Variants in FOXP2 observed in about 807,000 individuals in gnomAD.
The protein encoded by FOXP2 is forkhead box protein P2.
FOXP2 carries 12 observed loss-of-function variants against 115.8 expected under a neutral mutation model. That is an observed-to-expected ratio of 0.10 (90% confidence interval 0.07 to 0.17). The LOEUF is 0.17. Among genes scored for constraint, FOXP2 ranks in the 10% least tolerant of loss-of-function variants. FOXP2 has a pLI of 1.00. For missense variants in FOXP2, 629 were observed against 843.5 expected (o/e 0.75, Z 3.15); for synonymous variants, 328 against 297.7 (o/e 1.10, Z -1.05).
intron 2 of FOXP2, among the ~76,000 whole-genome samples, chr7:114,452,330 A>C (rs1229103761): frequency 6.6e-6 from 1 of 152,076 alleles, no homozygotes; most frequent in East Asian, 1.9e-4. Flanking sequence ...CAACTTAAAA[A>C]AAAATCTTAT....
intron 1 of FOXP2, among the ~76,000 whole-genome samples, chr7:114,196,079 C>T (rs1264963396): frequency 6.6e-6 from 1 of 152,128 alleles, no homozygotes; most frequent in Non-Finnish European, 1.5e-5. Flanking sequence ...ATGGCGTGAT[C>T]TCGGCTCACT....
At chr7:114,104,373 G>C (rs187816514) in intron 1 of FOXP2, among the ~76,000 whole-genome samples, 1 of 151,996 alleles carries the variant, frequency 6.6e-6, no homozygotes, top group African/African-American at 2.4e-5. Flanking sequence ...AGGTATGGGG[G>C]CTGTTGAGAT....
At chr7:114,237,286 A>T (rs943538929) in intron 1 of FOXP2, among the ~76,000 whole-genome samples, 2 of 152,220 alleles carry the variant, frequency 1.3e-5, no homozygotes, top group African/African-American at 4.8e-5. Flanking sequence ...AATGAAGTAA[A>T]ATATTCAAAA....
At position 114,242,340 on chromosome 7, in the gene FOXP2, T is replaced by C. The variant is rs1158600107; in HGVS notation, c.-101-45679T>C. On this transcript the variant is annotated intron_variant, in intron 1 of 17. Transcript: ENST00000634411. Reference sequence around the variant, plus strand: ...AAGTGTGGTACAAACATTTAGTTGGTAATGGGCAAATTACACCAATTGGGT... The same window carrying C: ...AAGTGTGGTACAAACATTTAGTTGGCAATGGGCAAATTACACCAATTGGGT... Among the ~76,000 whole-genome samples the C allele has an allele frequency of 2.6e-5, 4 of 152,236 alleles. No individual in the cohort carries two copies. The East Asian group carries it at 7.7e-4, about 29-fold the overall frequency.
At chr7:114,528,893 A>G (rs1304342110) in intron 2 of FOXP2, among the ~76,000 whole-genome samples, 1 of 151,984 alleles carries the variant, frequency 6.6e-6, no homozygotes, top group Admixed American at 6.6e-5. Context: ...CACAAAAACT[A>G]TTATAGTTAC....
intron 8 of FOXP2, among the ~76,000 whole-genome samples, chr7:114,647,000 C>T (rs948652252): frequency 3.3e-5 from 5 of 151,762 alleles, no homozygotes; most frequent in Non-Finnish European, 5.9e-5. Flanking sequence ...TTTTAGTTCT[C>T]ATTTTTTTGT....
chr7:114,633,630 C>T (rs553475364), intron 6 of FOXP2, among the ~76,000 whole-genome samples: 3 of 152,166 alleles, frequency 2.0e-5, no homozygotes, highest in South Asian at 2.1e-4. Context: ...CCACACAAAC[C>T]GGCATCATTG....
In FOXP2 at chr7:114,313,561, C is replaced by T. The variant is rs1478480435; in HGVS notation, c.-11+25452C>T. ...GAGATCGAGACCATCCCGGCTAAAA[C>T]GGTGAAACCCCGTCTCTACTAAAAA... On this transcript the variant is annotated intron_variant, in intron 2 of 17. Transcript: ENST00000634411. 1.7e-4 allele frequency among the ~76,000 whole-genome samples: 11 copies of T among 63,420 alleles called. 2 individuals are homozygous for T. Among genetic ancestry groups the T allele is most frequent in the Admixed American group, 5.3e-4 (5 of 9,402 alleles). 41.6% of individuals were successfully genotyped at this position (63,420 alleles called of 152,430 possible). A position where few individuals can be genotyped will look rare whatever the true frequency, so the allele number is the denominator to read the frequency against.
At chr7:114,119,597 A>G (rs1429735793) in intron 1 of FOXP2, among the ~76,000 whole-genome samples, 1 of 151,900 alleles carries the variant, frequency 6.6e-6, no homozygotes, top group Non-Finnish European at 1.5e-5. Context: ...TGTGGTTCCA[A>G]CTACTCGGGA....
At chr7:114,356,682 G>T (rs1201135315) in intron 2 of FOXP2, among the ~76,000 whole-genome samples, 1 of 152,116 alleles carries the variant, frequency 6.6e-6, no homozygotes, top group Non-Finnish European at 1.5e-5. Context: ...AGTAGTAGAG[G>T]AACATTTTTA....
chr7:114,322,658 G>T (rs1055012943), intron 2 of FOXP2, among the ~76,000 whole-genome samples: 2 of 152,052 alleles, frequency 1.3e-5, no homozygotes, highest in Admixed American at 1.3e-4. Context: ...CATTTTAACT[G>T]GTGAAGCATG....
intron 1 of FOXP2, among the ~76,000 whole-genome samples, chr7:114,118,570 A>G (rs1791472592): frequency 6.6e-6 from 1 of 152,054 alleles, no homozygotes; most frequent in Admixed American, 6.6e-5. Flanking sequence ...AAATTCTTAT[A>G]CATGTATAAG....
intron 2 of FOXP2, among the ~76,000 whole-genome samples, chr7:114,355,698 G>A (rs1328960317): frequency 6.6e-6 from 1 of 152,136 alleles, no homozygotes; most frequent in Non-Finnish European, 1.5e-5. Flanking sequence ...GTACAAACCT[G>A]ATTTTGTGTG....
At chr7:114,355,570 A>C (rs1791600023) in intron 2 of FOXP2, among the ~76,000 whole-genome samples, 1 of 152,066 alleles carries the variant, frequency 6.6e-6, no homozygotes, top group South Asian at 2.1e-4. Flanking sequence ...GGAAGGCTGC[A>C]TTTTGGATCT....
At chr7:114,595,041 A>C (rs1802623741) in intron 3 of FOXP2, among the ~76,000 whole-genome samples, 1 of 152,062 alleles carries the variant, frequency 6.6e-6, no homozygotes, top group East Asian at 1.9e-4. Context: ...GCAAGAAGCA[A>C]GTGCATGATA....
intron 3 of FOXP2, among the ~76,000 whole-genome samples, chr7:114,556,538 A>T (rs1638539570): frequency 6.6e-6 from 1 of 152,214 alleles, no homozygotes; most frequent in Admixed American, 6.5e-5. Context: ...AAAAAATTAT[A>T]ATATGATAGT....
At chr7:114,623,555 G>A (rs73440403) in intron 3 of FOXP2, among the ~76,000 whole-genome samples, 1,624 of 151,904 alleles carry the variant, frequency 0.011, 21 homozygotes, top group African/African-American at 0.037. Flanking sequence ...TAAGCATATG[G>A]TGTAGCATAT....
chr7:114,222,944 A>C (rs140864896), intron 1 of FOXP2, among the ~76,000 whole-genome samples: 2 of 152,342 alleles, frequency 1.3e-5, no homozygotes, highest in East Asian at 3.9e-4. Context: ...CAATGCATTC[A>C]TTCAGGTTTA....
At chr7:114,308,259 G>C (rs181706661) in intron 2 of FOXP2, among the ~76,000 whole-genome samples, 3 of 152,032 alleles carry the variant, frequency 2.0e-5, no homozygotes, top group Admixed American at 2.0e-4. Context: ...CACTGGGGGG[G>C]ACTCAGTGAA....
Sources: allele counts gnomAD v4.1 joint callset (sites outside exome capture counted in the v4.1 genomes callset), GRCh38; gene constraint gnomAD v4.1.1; transcripts MANE v1.5; gene names NCBI Gene and HGNC (gene_info 2026-07-23, HGNC 2026-07-21).